WDR64: variants seen among roughly 807,000 people sequenced by gnomAD.
WDR64 encodes the protein WD repeat domain 64.
A neutral mutation model predicts 139.3 loss-of-function variants in WDR64; 112 were observed. The observed-to-expected ratio is 0.80, with a 90% CI of 0.69 to 0.94. WDR64 has a LOEUF of 0.94. WDR64 is among the 40% of genes least tolerant of loss of function. WDR64 has a pLI of 0.00. For synonymous variants in WDR64, 444 were observed against 437.7 expected (o/e 1.01, Z -0.18); for missense variants, 1,206 against 1,293.1 (o/e 0.93, Z 1.03).
rs116483972 is a variant in WDR64, at chr1:241,757,831, C to T, written c.1947+372C>T. ...TCTCAAACATTGTGTCATTTCATCC[C>T]TTTATATTTCAGTATATATCTCTAA... On this transcript the variant is annotated intron_variant, in intron 15 of 27. Coordinates refer to ENST00000437684, the MANE Select transcript of WDR64 (RefSeq NM_001367482.1). 8.0e-3 allele frequency among the ~76,000 whole-genome samples: 1,219 copies of T among 151,924 alleles called. 12 individuals carry two copies. The highest frequency in any genetic ancestry group is 0.028 in the African/African-American group (1,149 of 41,446).
At chr1:241,789,209 A>G (rs1182229781) in intron 24 of WDR64, among the ~76,000 whole-genome samples, 1 of 152,170 alleles carries the variant, frequency 6.6e-6, no homozygotes, top group Non-Finnish European at 1.5e-5. Context: ...GGACAGCTTT[A>G]GCGTAGGACA....
At chr1:241,772,986 T>G in intron 20 of WDR64, 55 bp downstream of exon 20, 2 of 1,500,568 alleles carry the variant, frequency 1.3e-6, no homozygotes, top group Non-Finnish European at 1.8e-6. Context: ...ATAAAAAGAA[T>G]CATTAAATGA....
chr1:241,658,246 G>A (rs1665683380), intron 1 of WDR64, among the ~76,000 whole-genome samples: 1 of 151,056 alleles, frequency 6.6e-6, no homozygotes, highest in Non-Finnish European at 1.5e-5. Flanking sequence ...CTTACCCCAG[G>A]GAATTACGAA....
At chr1:241,722,025 C>CTG (rs34135566) in intron 9 of WDR64, among the ~76,000 whole-genome samples, 26,338 of 150,792 alleles carry the variant, frequency 0.17, 2,396 homozygotes, top group African/African-American at 0.2. Context: ...TTTCATAAAA[C>CTG]TGTGTGTGTG....
At chr1:241,784,608 T>C (rs1658964102) in intron 23 of WDR64, among the ~76,000 whole-genome samples, 1 of 152,106 alleles carries the variant, frequency 6.6e-6, no homozygotes, top group South Asian at 2.1e-4. Flanking sequence ...AGATGAATCT[T>C]TGGGAGTAAG....
chr1:241,663,940 G>A (rs969964610), intron 2 of WDR64, among the ~76,000 whole-genome samples: 3 of 150,048 alleles, frequency 2.0e-5, no homozygotes, highest in Admixed American at 1.3e-4. Flanking sequence ...TTTTGTTTTT[G>A]TTTTTTTTTC....
intron 8 of WDR64, among the ~76,000 whole-genome samples, chr1:241,694,637 T>A (rs1375299588): frequency 6.6e-6 from 1 of 152,214 alleles, no homozygotes; most frequent in Non-Finnish European, 1.5e-5. Context: ...AGGAACACTG[T>A]GAAAACGTAT....
chr1:241,788,405 G>A (rs941684061), intron 24 of WDR64, among the ~76,000 whole-genome samples: 4 of 152,262 alleles, frequency 2.6e-5, no homozygotes, highest in Admixed American at 6.5e-5. Flanking sequence ...GACATCCTTT[G>A]TCATAATGGA....
chr1:241,700,425 A>G (rs1667667090), intron 8 of WDR64, among the ~76,000 whole-genome samples: 1 of 152,038 alleles, frequency 6.6e-6, no homozygotes, highest in South Asian at 2.1e-4. Context: ...CAGGATGGTC[A>G]GGAGAGACTG....
chr1:241,765,823 A>C (rs186788579), intron 15 of WDR64, among the ~76,000 whole-genome samples: 1 of 152,352 alleles, frequency 6.6e-6, no homozygotes, highest in African/African-American at 2.4e-5. Context: ...AATGATAAAT[A>C]GCTATCACAG....
At chr1:241,710,089 C>T (rs909615700) in intron 8 of WDR64, among the ~76,000 whole-genome samples, 6 of 151,768 alleles carry the variant, frequency 4.0e-5, no homozygotes, top group Admixed American at 2.0e-4. Context: ...AAAACATGTA[C>T]ATACACAGCA....
chr1:241,686,152 T>C (rs550628582), intron 7 of WDR64, among the ~76,000 whole-genome samples: 1 of 152,338 alleles, frequency 6.6e-6, no homozygotes, highest in Admixed American at 6.5e-5. Flanking sequence ...AGGCTGAGTG[T>C]TGCGGCATTT....
chr1:241,772,415 T>C (rs111960152), intron 19 of WDR64, among the ~76,000 whole-genome samples: 3 of 147,664 alleles, frequency 2.0e-5, no homozygotes, highest in Admixed American at 6.8e-5. Flanking sequence ...CCATAAAAAT[T>C]TGGAATTCCA....
rs201423182 is a variant in WDR64 at position 241,713,382 on chromosome 1, AAAGG to A, written c.1054+1514_1054+1517del. On this transcript the variant is annotated intron_variant, in intron 9 of 27. Coordinates refer to ENST00000437684, the MANE Select transcript of WDR64 (RefSeq NM_001367482.1). Reference sequence around the variant, plus strand: ...GACAGAGGGAGGGAGGAAGGGAAGGAAAGGAAGGAAGGAAGGGAGGGAGGGAGGA... The same window carrying A: ...GACAGAGGGAGGGAGGAAGGGAAGGAAAGGAAGGAAGGGAGGGAGGGAGGA... Among the ~76,000 whole-genome samples the A allele has an allele frequency of 5.4e-3, 608 of 113,378 alleles. 7 individuals carry two copies. Among genetic ancestry groups the A allele is most frequent in the African/African-American group, 0.02 (569 of 28,972 alleles). The allele number at this position is 113,378 out of a possible 152,430, so 74.4% of individuals were successfully genotyped here. A position where few individuals can be genotyped will look rare whatever the true frequency, so the allele number is the denominator to read the frequency against.
At chr1:241,744,571 G>T (rs548680378) in intron 13 of WDR64, 55 bp downstream of exon 13, 2 of 1,602,318 alleles carry the variant, frequency 1.2e-6, no homozygotes, top group East Asian at 2.2e-5. Flanking sequence ...GAGAATTTCC[G>T]CCAAAAACTC....
chr1:241,711,775 G>C (rs1445169388), intron 8 of WDR64, 27 bp from the exon 9 acceptor site: 1 of 1,607,452 alleles, frequency 6.2e-7, no homozygotes, highest in South Asian at 1.1e-5. Flanking sequence ...AAATATATAT[G>C]TTTTCCATCT....
chr1:241,665,791 T>C (rs1344512570), intron 2 of WDR64, among the ~76,000 whole-genome samples: 1 of 152,214 alleles, frequency 6.6e-6, no homozygotes, highest in Non-Finnish European at 1.5e-5. Flanking sequence ...AGTGGGCAAC[T>C]TATAAACACA....
chr1:241,774,828 T>G (rs1194628343), intron 20 of WDR64, among the ~76,000 whole-genome samples: 1 of 152,182 alleles, frequency 6.6e-6, no homozygotes, highest in Non-Finnish European at 1.5e-5. Flanking sequence ...TCATGGGATA[T>G]GCAAAAACAA....
chr1:241,692,539 A>G (rs1667340127), intron 8 of WDR64, among the ~76,000 whole-genome samples: 1 of 152,214 alleles, frequency 6.6e-6, no homozygotes, highest in Non-Finnish European at 1.5e-5. Flanking sequence ...ATTCTTTTTA[A>G]CAAATGGTTC....
Sources: allele counts gnomAD v4.1 joint callset (sites outside exome capture counted in the v4.1 genomes callset), GRCh38; gene constraint gnomAD v4.1.1; transcripts MANE v1.5; gene names NCBI Gene and HGNC (gene_info 2026-07-23, HGNC 2026-07-21).